JMJD1C: variants seen among roughly 807,000 people sequenced by gnomAD.
JMJD1C encodes the protein jumonji domain-containing protein 1C.
JMJD1C carries 31 observed loss-of-function variants against 245.3 expected under a neutral mutation model. That is an observed-to-expected ratio of 0.13 (90% confidence interval 0.09 to 0.17). JMJD1C has a LOEUF of 0.17. Ranked by LOEUF, JMJD1C falls within the 10% of genes least tolerant of loss-of-function variation. The pLI is 1.00. For missense variants in JMJD1C, 2,691 were observed against 3,000.2 expected (o/e 0.90, Z 2.41); for synonymous variants, 1,057 against 1,017.4 (o/e 1.04, Z -0.74).
intron 1 of JMJD1C, among the ~76,000 whole-genome samples, chr10:63,436,060 A>C (rs1234725385): frequency 1.3e-5 from 2 of 152,232 alleles, no homozygotes; most frequent in Non-Finnish European, 2.9e-5. Context: ...GTGCATTGGA[A>C]GGCATTAATA....
Position 63,214,331 on chromosome 10 carries a change from C to T in JMJD1C, c.1836G>A (p.Lys612=). The change falls in exon 8 of 26, where the codon AAG becomes AAA. Residue 612 remains lysine, a synonymous_variant. Coordinates refer to ENST00000399262, the MANE Select transcript of JMJD1C (RefSeq NM_032776.3). ...PLSAVSVMED[K]LHKRSPPPET... ...CTGGAGGTGGACTTCGCTTATGCAG[C>T]TTATCTTCCATGACAGAAACTGCAC... The T allele has an allele frequency of 1.9e-6, 3 of 1,613,952 alleles. No individual in the cohort carries two copies. The highest frequency in any genetic ancestry group is 2.5e-6 in the Non-Finnish European group (3 of 1,179,902).
intron 15 of JMJD1C, 74 bp from the exon 16 acceptor site, chr10:63,193,225 T>G (rs1845056795): frequency 6.7e-7 from 1 of 1,491,614 alleles, no homozygotes; most frequent in Non-Finnish European, 9.2e-7. Flanking sequence ...TACAAAAAAT[T>G]TACACAGAAA....
intron 2 of JMJD1C, among the ~76,000 whole-genome samples, chr10:63,337,456 C>CA (rs1247870076): frequency 9.5e-4 from 2 of 2,100 alleles, no homozygotes; most frequent in Non-Finnish European, 1.9e-3. Flanking sequence ...AAAGAGAAGG[C>CA]GGGGGGGGGG....
chr10:63,205,070 A>C (rs765419255), intron 10 of JMJD1C: 42 of 967,550 alleles, frequency 4.3e-5, no homozygotes, highest in Non-Finnish European at 5.2e-5. Context: ...AACTACTACT[A>C]GAGTAAAATG....
intron 1 of JMJD1C, among the ~76,000 whole-genome samples, chr10:63,496,444 C>T (rs989622564): frequency 5.9e-5 from 9 of 152,174 alleles, no homozygotes; most frequent in African/African-American, 1.7e-4. Flanking sequence ...CCCACAATAA[C>T]ACACATAATA....
At chr10:63,211,138 A>T (rs368867104) in intron 8 of JMJD1C, among the ~76,000 whole-genome samples, 5 of 152,216 alleles carry the variant, frequency 3.3e-5, no homozygotes, top group Admixed American at 3.3e-4. Context: ...AAGATGCATC[A>T]TCAACCACTT....
intron 1 of JMJD1C, among the ~76,000 whole-genome samples, chr10:63,391,508 TCAACAACAA>T (rs140504932): frequency 0.054 from 8,057 of 149,356 alleles, 273 homozygotes; most frequent in African/African-American, 0.082. Flanking sequence ...AGACTCCGTC[TCAACAACAA>T]CAACAACAAC....
In JMJD1C at chr10:63,200,674, C is replaced by T; in HGVS notation, c.5078G>A (p.Gly1693Asp). Residue 1693 changes from glycine (G) to aspartate (D), a missense_variant, in exon 11 of 26, where the codon GGC becomes GAC. Gly to Asp is a moderately conservative substitution (Grantham distance 94, BLOSUM62 -1). Around this residue, in one of 9 missense-constraint regions of JMJD1C, gnomAD observed 144 missense variants for 143.3 expected, o/e 1.00. Transcript: ENST00000399262. ...KLKLQSNSNTGIPRSVLKDWR... is the reference protein window; with the variant it reads ...KLKLQSNSNTDIPRSVLKDWR... ...ATCTTTCAATACTGAACGAGGAATGCCAGCTGTAAAATCAGTAGGAAAGTT... is the reference window on the plus strand; with the variant it reads ...ATCTTTCAATACTGAACGAGGAATGTCAGCTGTAAAATCAGTAGGAAAGTT... 6.2e-7 allele frequency: 1 copy of T among 1,613,508 alleles called. No homozygotes were observed. The highest frequency in any genetic ancestry group is 8.5e-7 in the Non-Finnish European group (1 of 1,179,642).
chr10:63,176,224 T>A (rs1842846873), intron 24 of JMJD1C, 73 bp downstream of exon 24: 1 of 1,131,308 alleles, frequency 8.8e-7, no homozygotes, highest in Admixed American at 2.5e-5. Context: ...ATATCTATAC[T>A]AAGAGCAATT....
intron 1 of JMJD1C, among the ~76,000 whole-genome samples, chr10:63,436,637 T>A (rs1374660873): frequency 2.6e-5 from 4 of 152,228 alleles, no homozygotes; most frequent in Non-Finnish European, 5.9e-5. Context: ...GATTTCAGTA[T>A]CCACAGTGAT....
In JMJD1C at chr10:63,342,389, A is replaced by G. The variant is rs188746557; in HGVS notation, c.333+37929T>C. ...AAAATCAAAGAGAGACCTCTAAGAC[A>G]AAAACCATTGTTAATGAGGCAGATG... On this transcript the variant is annotated intron_variant, in intron 2 of 25. Coordinates refer to ENST00000399262, the MANE Select transcript of JMJD1C (RefSeq NM_032776.3). Among the ~76,000 whole-genome samples, 22 of 152,354 alleles carry G rather than the reference A, an allele frequency of 1.4e-4. No individual in the cohort carries two copies. In the East Asian group the frequency reaches 2.9e-3, roughly 20 times the overall value.
At chr10:63,216,647 T>C (rs912229179) in intron 5 of JMJD1C, among the ~76,000 whole-genome samples, 10 of 152,092 alleles carry the variant, frequency 6.6e-5, no homozygotes, top group Non-Finnish European at 1.3e-4. Flanking sequence ...GTGGTGGAGC[T>C]TACAGTGAGC....
Position 63,207,417 on chromosome 10 carries a change from A to G in JMJD1C, c.4252T>C (p.Ser1418Pro). The G allele has an allele frequency of 6.2e-7, 1 of 1,614,204 alleles. No individual in the cohort carries two copies. ...GCCAAAATGGTATTTGATAAAGAGG[A>G]AATTACTTCTGAACCACCCCAGCTG... ...VSSWGGSEVI[S>P]SLSNTILAST... The change falls in exon 10 of 26, where the codon TCC becomes CCC. Residue 1418 changes from serine (S) to proline (P), a missense_variant. Coordinates refer to ENST00000399262, the MANE Select transcript of JMJD1C (RefSeq NM_032776.3).
At chr10:63,451,336 G>T (rs974003904) in intron 1 of JMJD1C, among the ~76,000 whole-genome samples, 2 of 152,052 alleles carry the variant, frequency 1.3e-5, no homozygotes. Context: ...TCTTGAAAAA[G>T]AACAGAGTTG....
At chr10:63,397,725 G>A (rs1948597088) in intron 1 of JMJD1C, among the ~76,000 whole-genome samples, 3 of 151,876 alleles carry the variant, frequency 2.0e-5, no homozygotes, top group Admixed American at 2.0e-4. Flanking sequence ...CTAGACACAA[G>A]GTCCTACTAT....
At chr10:63,247,103 A>C (rs1852306304) in intron 3 of JMJD1C, among the ~76,000 whole-genome samples, 3 of 124,470 alleles carry the variant, frequency 2.4e-5, no homozygotes, top group South Asian at 3.1e-4. Flanking sequence ...AAACTGAGAC[A>C]AAAAAAACAA....
chr10:63,313,464 G>C (rs1231684554), intron 2 of JMJD1C, among the ~76,000 whole-genome samples: 2 of 152,166 alleles, frequency 1.3e-5, no homozygotes, highest in African/African-American at 4.8e-5. Flanking sequence ...ACACCCAGTA[G>C]TGAGACTGCT....
intron 1 of JMJD1C, among the ~76,000 whole-genome samples, chr10:63,508,427 TTGTTCTTTTCCCTTAATATTGTGTTGAC>T (rs1346464284): frequency 6.6e-6 from 1 of 152,152 alleles, no homozygotes; most frequent in Non-Finnish European, 1.5e-5. Flanking sequence ...TTCTCCAACT[TTGTTCTTTTCCCTTAATATTGTGTTGAC>T]TGTTCTGGAT....
chr10:63,188,386 G>A (rs1192322275), intron 18 of JMJD1C, among the ~76,000 whole-genome samples: 2 of 151,988 alleles, frequency 1.3e-5, no homozygotes, highest in Admixed American at 6.6e-5. Context: ...ATTTTGAAAG[G>A]GATTAGTAAC....
Sources: allele counts gnomAD v4.1 joint callset (sites outside exome capture counted in the v4.1 genomes callset), GRCh38; gene constraint gnomAD v4.1.1; regional missense constraint gnomAD v4.1.1; transcripts MANE v1.5; gene names NCBI Gene and HGNC (gene_info 2026-07-23, HGNC 2026-07-21).